The following DIAPH1 variants were observed in gnomAD, a reference collection of about 807,000 sequenced individuals.
The protein encoded by DIAPH1 is diaphanous related formin 1, also known as protein diaphanous homolog 1.
DIAPH1 carries 46 observed loss-of-function variants against 140.7 expected under a neutral mutation model. The ratio of observed to expected loss-of-function variants is 0.33; its 90% CI spans 0.26 to 0.42. The LOEUF (loss-of-function observed/expected upper bound fraction) is 0.42, where lower values mean the gene tolerates loss of function less well. DIAPH1 is among the 10% of genes least tolerant of loss of function. The pLI is 1.00. For synonymous variants in DIAPH1, 565 were observed against 551.6 expected (o/e 1.02, Z -0.34); for missense variants, 1,310 against 1,558.7 (o/e 0.84, Z 2.69).
At chr5:141,539,426 TTTTG>T (rs1294210588) in intron 18 of DIAPH1, among the ~76,000 whole-genome samples, 1 of 127,646 alleles carries the variant, frequency 7.8e-6, no homozygotes. Context: ...TTGTTTTTTT[TTTTG>T]TTTTTTTTTT....
At chr5:141,593,219 G>T (rs2099898760) in intron 1 of DIAPH1, among the ~76,000 whole-genome samples, 1 of 152,158 alleles carries the variant, frequency 6.6e-6, no homozygotes. Context: ...AATAAGACTG[G>T]TTGGAAGCTG....
chr5:141,580,322 A>C (rs1248371289), intron 8 of DIAPH1, among the ~76,000 whole-genome samples: 1 of 152,236 alleles, frequency 6.6e-6, no homozygotes, highest in East Asian at 1.9e-4. Context: ...CTATGAGACT[A>C]TACCATGCCA....
intron 1 of DIAPH1, among the ~76,000 whole-genome samples, chr5:141,592,972 A>G (rs1050996142): frequency 2.0e-5 from 3 of 152,238 alleles, no homozygotes; most frequent in African/African-American, 7.2e-5. Context: ...TTAGAAAGTA[A>G]GAAGTGATGC....
intron 18 of DIAPH1, among the ~76,000 whole-genome samples, chr5:141,555,711 G>C (rs1025032607): frequency 6.6e-6 from 1 of 152,146 alleles, no homozygotes; most frequent in Non-Finnish European, 1.5e-5. Context: ...CAAAGGAAAA[G>C]AGGAAAATTT....
At chr5:141,517,744 A>AC (rs1266272803) in intron 27 of DIAPH1, among the ~76,000 whole-genome samples, 1 of 152,016 alleles carries the variant, frequency 6.6e-6, no homozygotes, top group Non-Finnish European at 1.5e-5. Context: ...ACAGGAGAGG[A>AC]CCCCTACCAA....
intron 18 of DIAPH1, among the ~76,000 whole-genome samples, chr5:141,543,855 A>T (rs1231278144): frequency 6.6e-6 from 1 of 152,232 alleles, no homozygotes; most frequent in African/African-American, 2.4e-5. Flanking sequence ...ATGTCAATAC[A>T]ATCAATAGAT....
intron 19 of DIAPH1, among the ~76,000 whole-genome samples, chr5:141,531,087 A>AT: frequency 6.6e-6 from 1 of 152,272 alleles, no homozygotes; most frequent in Admixed American, 6.5e-5. Flanking sequence ...CCATAACCAC[A>AT]AAGCCAATGA....
In DIAPH1 at chr5:141,516,548, C is replaced by T. The variant is rs2099885712; in HGVS notation, c.*303G>A. ...AGGCTGGGCCTTGTCTGAGATGAGG[C>T]CCTCTGAGTAACAGAGAGGAGACAG... On this transcript the variant is annotated 3_prime_UTR_variant, in exon 28 of 28. Coordinates refer to ENST00000389054, the MANE Select transcript of DIAPH1 (RefSeq NM_005219.5). 1 of 437,200 alleles carries T rather than the reference C, an allele frequency of 2.3e-6. No individual in the cohort carries two copies. Among genetic ancestry groups the T allele is most frequent in the Admixed American group, 3.5e-5 (1 of 28,562 alleles). 27.1% of individuals were successfully genotyped at this position (437,200 alleles called of 1,614,324 possible).
At chr5:141,517,094 C>T (rs2099885800) in intron 27 of DIAPH1, 86 bp from the exon 28 acceptor site, 3 of 1,517,782 alleles carry the variant, frequency 2.0e-6, no homozygotes, top group Non-Finnish European at 2.7e-6. Flanking sequence ...CAGCGTAAGC[C>T]ATGCAGACAT....
chr5:141,523,755 G>T (rs1469311176), intron 27 of DIAPH1, among the ~76,000 whole-genome samples: 1 of 150,710 alleles, frequency 6.6e-6, no homozygotes. Context: ...GAAGTCCAGA[G>T]TAAGGACTCT....
intron 1 of DIAPH1, among the ~76,000 whole-genome samples, chr5:141,592,134 A>G (rs1181609198): frequency 6.6e-6 from 1 of 151,882 alleles, no homozygotes; most frequent in African/African-American, 2.4e-5. Flanking sequence ...CCCATGTTTT[A>G]GTGTTCAATT....
At chr5:141,617,318 T>A (rs545947754) in intron 1 of DIAPH1, among the ~76,000 whole-genome samples, 22 of 152,158 alleles carry the variant, frequency 1.4e-4, no homozygotes, top group African/African-American at 4.8e-4. Flanking sequence ...AAAAAGATGT[T>A]CACCAGATAA....
At chr5:141,613,661 TGA>T (rs375365795) in intron 1 of DIAPH1, among the ~76,000 whole-genome samples, 25 of 152,332 alleles carry the variant, frequency 1.6e-4, no homozygotes, top group African/African-American at 5.8e-4. Context: ...GAAAGAACAA[TGA>T]GAGTTATCTT....
At chr5:141,520,893 T>C (rs1474575628) in intron 27 of DIAPH1, among the ~76,000 whole-genome samples, 3 of 152,084 alleles carry the variant, frequency 2.0e-5, no homozygotes, top group Non-Finnish European at 1.5e-5. Context: ...GGCAAGACTT[T>C]ATCTGTTTTT....
At chr5:141,577,426 T>A (rs537545050) in intron 12 of DIAPH1, 49 bp downstream of exon 12, 1 of 1,263,004 alleles carries the variant, frequency 7.9e-7, no homozygotes, top group African/African-American at 1.5e-5. Flanking sequence ...GAATTCACTC[T>A]CTCCACTTAG....
At chr5:141,611,927 T>G (rs1288092335) in intron 1 of DIAPH1, among the ~76,000 whole-genome samples, 2 of 151,946 alleles carry the variant, frequency 1.3e-5, no homozygotes, top group Non-Finnish European at 2.9e-5. Flanking sequence ...ATTAGCTGGG[T>G]GTGGTGGCAG....
chr5:141,524,410 G>A, intron 26 of DIAPH1, 181 bp from the exon 27 acceptor site: 1 of 660,564 alleles, frequency 1.5e-6, no homozygotes, highest in Non-Finnish European at 2.7e-6. Context: ...ACTTGTATCT[G>A]CTAAAAAATG....
In DIAPH1 at chr5:141,583,030, G is replaced by A. The variant is rs55900860; in HGVS notation, c.620+176C>T. Among the ~76,000 whole-genome samples, 1,730 of 152,220 alleles carry A rather than the reference G, an allele frequency of 0.011. 25 individuals are homozygous for A. Among genetic ancestry groups the A allele is most frequent in the African/African-American group, 0.028 (1,148 of 41,510 alleles). ...AATTTAAGTTCCTCCTCCCTTTCCT[G>A]TATCTATAATCATCATTCATCCTCT... On this transcript the variant is annotated intron_variant, in intron 6 of 27. Transcript: ENST00000389054.
chr5:141,600,911 T>A (rs936683193), intron 1 of DIAPH1, among the ~76,000 whole-genome samples: 3 of 152,232 alleles, frequency 2.0e-5, no homozygotes, highest in Non-Finnish European at 4.4e-5. Flanking sequence ...CTGCCTTTTT[T>A]TTCTTGTCCT....
Sources: gnomAD v4.1 joint callset for allele counts (sites outside exome capture counted in the v4.1 genomes callset) on GRCh38, gnomAD v4.1.1 for gene constraint, MANE v1.5 for transcripts, NCBI Gene and HGNC (gene_info 2026-07-23, HGNC 2026-07-21) for gene names.